The following EHMT1 variants were observed in gnomAD, a reference collection of about 807,000 sequenced individuals.
EHMT1 encodes the protein euchromatic histone lysine methyltransferase 1.
In EHMT1, 15 loss-of-function variants were observed where a neutral mutation model predicts 147.2. The ratio of observed to expected loss-of-function variants is 0.10; its 90% CI spans 0.07 to 0.16. The LOEUF is 0.16. Among genes scored for constraint, EHMT1 ranks in the 10% least tolerant of loss-of-function variants. The pLI is 1.00. For missense variants in EHMT1, 1,587 were observed against 1,772.4 expected, an observed-to-expected ratio of 0.90 and a Z score of 1.88; for synonymous variants, 795 against 709.6, an observed-to-expected ratio of 1.12 and a Z score of -1.91.
chr9:137,725,681 A>G (rs1300648170), intron 3 of EHMT1, among the ~76,000 whole-genome samples: 2 of 152,078 alleles, frequency 1.3e-5, no homozygotes, highest in African/African-American at 4.8e-5. Flanking sequence ...CTTTGCAAGG[A>G]CCACATGGCA....
chr9:137,716,671 G>T lies in EHMT1; in HGVS notation c.131G>T (p.Gly44Val), dbSNP rs1945340633. The change falls in exon 3 of 27, where the codon GGA (glycine) becomes GTA (valine). Residue 44 changes from glycine to valine, a missense_variant. Gly to Val is a moderately radical substitution (Grantham distance 109, BLOSUM62 -3). Around this residue, in one of 7 missense-constraint regions of EHMT1, gnomAD observed 810 missense variants for 673.0 expected, o/e 1.20. Coordinates refer to ENST00000460843, the MANE Select transcript of EHMT1 (RefSeq NM_024757.5). ...ADEGSAEKQA[G>V]EAHMAADGET... The stretch of plus-strand genomic sequence containing the variant: ...GAAGGCTCAGCAGAGAAACAGGCAG[G>T]AGAGGCCCACATGGCTGCGGACGGT... The T allele has an allele frequency of 1.2e-6, 2 of 1,600,648 alleles. No individual in the cohort carries two copies. The highest frequency in any genetic ancestry group is 1.7e-6 in the Non-Finnish European group (2 of 1,171,056).
At chr9:137,822,505 T>C (rs1299033734) in intron 25 of EHMT1, among the ~76,000 whole-genome samples, 1 of 152,128 alleles carries the variant, frequency 6.6e-6, no homozygotes, top group Non-Finnish European at 1.5e-5. Context: ...CTCCAAACAC[T>C]GTGACTTAGA....
At chr9:137,829,774 C>G (rs1956066927) in intron 25 of EHMT1, among the ~76,000 whole-genome samples, 2 of 152,240 alleles carry the variant, frequency 1.3e-5, no homozygotes, top group Non-Finnish European at 2.9e-5. Context: ...TCTCTTATCC[C>G]GTGTTTGCGG....
intron 1 of EHMT1, among the ~76,000 whole-genome samples, chr9:137,663,558 G>A (rs1454746864): frequency 3.3e-5 from 5 of 152,278 alleles, no homozygotes; most frequent in Non-Finnish European, 5.9e-5. Context: ...TCCCATCTCC[G>A]TTTCTGCTCT....
chr9:137,774,996 C>A, intron 10 of EHMT1, 113 bp from the exon 11 acceptor site: 2 of 1,501,570 alleles, frequency 1.3e-6, no homozygotes, highest in South Asian at 1.1e-5. Flanking sequence ...TCGGCTCAGT[C>A]AGCCCACACC....
intron 15 of EHMT1, among the ~76,000 whole-genome samples, chr9:137,783,693 C>T (rs1211877332): frequency 6.6e-6 from 1 of 152,196 alleles, no homozygotes; most frequent in African/African-American, 2.4e-5. Flanking sequence ...AAGGACCTGT[C>T]TTCTCGGACT....
intron 25 of EHMT1, among the ~76,000 whole-genome samples, chr9:137,827,950 C>A (rs978218720): frequency 1.3e-5 from 2 of 152,210 alleles, no homozygotes; most frequent in African/African-American, 4.8e-5. Context: ...GTTCTGGGAT[C>A]TGAAGCCTCT....
At chr9:137,653,081 G>A (rs1486856272) in intron 1 of EHMT1, among the ~76,000 whole-genome samples, 1 of 152,172 alleles carries the variant, frequency 6.6e-6, no homozygotes, top group African/African-American at 2.4e-5. Context: ...GTAGTGTATA[G>A]TGATGTCCTA....
chr9:137,758,325 G>A (rs1233770839), intron 9 of EHMT1, among the ~76,000 whole-genome samples: 1 of 152,240 alleles, frequency 6.6e-6, no homozygotes, highest in Non-Finnish European at 1.5e-5. Context: ...CGCCCTCCCT[G>A]GTGGCATCTC....
chr9:137,835,437 G>A lies in EHMT1; in HGVS notation c.*484G>A. 6.5e-6 allele frequency: 1 copy of A among 153,924 alleles called. No individual in the cohort carries two copies. The allele number at this position is 153,924 out of a possible 1,614,324, so 9.5% of individuals were successfully genotyped here. ...GCGTGGCTGGGGCCGAGTCCCAGGG[G>A]CCGCACGGAGGGCACAGTCTCCTGT... is the stretch of plus-strand genomic sequence containing the variant. On this transcript the variant is annotated 3_prime_UTR_variant, in exon 27 of 27. Transcript: ENST00000460843.
chr9:137,771,285 C>T (rs1950568538), intron 10 of EHMT1, among the ~76,000 whole-genome samples: 1 of 151,016 alleles, frequency 6.6e-6, no homozygotes, highest in Non-Finnish European at 1.5e-5. Flanking sequence ...CTGCAGCCTC[C>T]TCCTCCTGAG....
At chr9:137,784,338 C>T in intron 15 of EHMT1, 2 of 1,294,270 alleles carry the variant, frequency 1.5e-6, no homozygotes, top group Non-Finnish European at 2.0e-6. Flanking sequence ...AAAGGCCCAG[C>T]CTCAAAACCT....
At chr9:137,768,133 A>G (rs184183827) in intron 10 of EHMT1, among the ~76,000 whole-genome samples, 1 of 152,264 alleles carries the variant, frequency 6.6e-6, no homozygotes, top group East Asian at 1.9e-4. Flanking sequence ...ACAGCCTGTG[A>G]TGTTCAGACC....
chr9:137,729,326 C>T (rs911156309), intron 4 of EHMT1, among the ~76,000 whole-genome samples: 99 of 152,264 alleles, frequency 6.5e-4, no homozygotes, highest in African/African-American at 2.0e-3. Flanking sequence ...CGGTGGCTCA[C>T]GCCTGTAATC....
At chr9:137,670,849 G>A (rs1356379529) in intron 1 of EHMT1, among the ~76,000 whole-genome samples, 1 of 152,106 alleles carries the variant, frequency 6.6e-6, no homozygotes, top group Non-Finnish European at 1.5e-5. Flanking sequence ...CTGTCCGCTC[G>A]CCTTTGCCGC....
At chr9:137,723,360 C>G (rs1327883378) in intron 3 of EHMT1, among the ~76,000 whole-genome samples, 4 of 130,244 alleles carry the variant, frequency 3.1e-5, no homozygotes, top group East Asian at 4.9e-4. Flanking sequence ...TGGGCCTGAG[C>G]CCGGGGTGTG....
chr9:137,681,104 C>T (rs545780148), intron 1 of EHMT1, among the ~76,000 whole-genome samples: 14 of 152,342 alleles, frequency 9.2e-5, no homozygotes, highest in South Asian at 4.1e-4. Context: ...AGGCCACTCT[C>T]AGCTGCTCCT....
chr9:137,724,984 CGT>C (rs1946468177), intron 3 of EHMT1, among the ~76,000 whole-genome samples: 1 of 140,630 alleles, frequency 7.1e-6, no homozygotes. Context: ...GTGTGGCAGA[CGT>C]GTGGCATTAG....
intron 1 of EHMT1, among the ~76,000 whole-genome samples, chr9:137,628,531 T>C (rs1207017556): frequency 6.6e-6 from 1 of 152,214 alleles, no homozygotes; most frequent in Non-Finnish European, 1.5e-5. Flanking sequence ...TCTCCCGCTT[T>C]GGCCTCTGAA....
Sources: gnomAD v4.1 joint callset for allele counts (sites outside exome capture counted in the v4.1 genomes callset) on GRCh38, gnomAD v4.1.1 for gene constraint, gnomAD v4.1.1 regional missense constraint, MANE v1.5 for transcripts, NCBI Gene and HGNC (gene_info 2026-07-23, HGNC 2026-07-21) for gene names.